Variants in SLC4A4 observed in about 807,000 individuals in gnomAD.
The protein encoded by SLC4A4 is solute carrier family 4 member 4, also known as electrogenic sodium bicarbonate cotransporter 1.
A neutral mutation model predicts 111.5 loss-of-function variants in SLC4A4; 27 were observed. The ratio of observed to expected loss-of-function variants is 0.24; its 90% CI spans 0.18 to 0.33. The LOEUF is 0.33. Among genes scored for constraint, SLC4A4 ranks in the 10% least tolerant of loss-of-function variants. SLC4A4 has a pLI of 1.00. For synonymous variants in SLC4A4, 443 were observed against 463.4 expected (o/e 0.96, Z 0.57); for missense variants, 909 against 1,315.5 (o/e 0.69, Z 4.78).
At chr4:71,165,965 G>T (rs1744734960) in intron 2 of SLC4A4, among the ~76,000 whole-genome samples, 1 of 152,044 alleles carries the variant, frequency 6.6e-6, no homozygotes, top group South Asian at 2.1e-4. Flanking sequence ...ACCAATATTG[G>T]TATTATCCAC....
intron 2 of SLC4A4, among the ~76,000 whole-genome samples, chr4:71,145,213 T>C (rs915321809): frequency 2.0e-5 from 3 of 152,168 alleles, no homozygotes; most frequent in African/African-American, 4.8e-5. Context: ...AATCATGTGG[T>C]TTTTGTCTTT....
At chr4:71,177,478 A>C (rs1215675102) in intron 2 of SLC4A4, among the ~76,000 whole-genome samples, 1 of 152,182 alleles carries the variant, frequency 6.6e-6, no homozygotes, top group East Asian at 1.9e-4. Flanking sequence ...AAAGGGATGG[A>C]GGAAGATCTA....
chr4:71,211,256 C>A (rs1718115529), intron 1 of SLC4A4, among the ~76,000 whole-genome samples: 1 of 152,134 alleles, frequency 6.6e-6, no homozygotes, highest in African/African-American at 2.4e-5. Flanking sequence ...AAAGATTTAT[C>A]TTTTATTTGC....
At chr4:71,143,519 A>G (rs538490938) in intron 2 of SLC4A4, among the ~76,000 whole-genome samples, 83 of 152,270 alleles carry the variant, frequency 5.5e-4, no homozygotes, top group African/African-American at 1.9e-3. Flanking sequence ...CTGAGGAATC[A>G]CCACACCGAC....
rs548755556 is a variant in SLC4A4 at position 71,318,042 on chromosome 4, C to A, written c.254-21328C>A. Among the ~76,000 whole-genome samples the A allele has an allele frequency of 2.4e-4, 37 of 151,888 alleles. No individual in the cohort carries two copies. In the South Asian group the frequency reaches 7.5e-3, roughly 31 times the overall value. ...GCTGTGAAGAATCTCTTCAATAAAC[C>A]TCATAACTGTCTTTTGAAGAGGTCT... On this transcript the variant is annotated intron_variant, in intron 3 of 25. Transcript: ENST00000264485.
intron 11 of SLC4A4, among the ~76,000 whole-genome samples, chr4:71,452,313 T>A (rs1725846400): frequency 6.6e-6 from 1 of 152,188 alleles, no homozygotes; most frequent in South Asian, 2.1e-4. Flanking sequence ...GTAAATTATT[T>A]CCATTAGGAA....
chr4:71,434,447 A>T (rs555994752), intron 7 of SLC4A4: 1 of 198,638 alleles, frequency 5.0e-6, no homozygotes, highest in Admixed American at 4.6e-5. Flanking sequence ...GTCTTTCAGC[A>T]CTCTCTTTCA....
At chr4:71,316,546 A>G (rs1726699105) in intron 3 of SLC4A4, among the ~76,000 whole-genome samples, 2 of 152,206 alleles carry the variant, frequency 1.3e-5, no homozygotes, top group East Asian at 3.9e-4. Context: ...TTTATTTATT[A>G]TGATTTTTAA....
At chr4:71,173,894 T>C (rs1745012354) in intron 2 of SLC4A4, among the ~76,000 whole-genome samples, 1 of 152,170 alleles carries the variant, frequency 6.6e-6, no homozygotes, top group African/African-American at 2.4e-5. Flanking sequence ...GTGATACCAC[T>C]ACTAACAAGG....
chr4:71,162,769 A>G (rs1266048578), intron 2 of SLC4A4, among the ~76,000 whole-genome samples: 5 of 152,230 alleles, frequency 3.3e-5, no homozygotes, highest in Admixed American at 1.3e-4. Context: ...CTTTACGGCT[A>G]CCATGTGTGG....
At chr4:71,458,201 A>G (rs1316123828) in intron 12 of SLC4A4, among the ~76,000 whole-genome samples, 1 of 152,084 alleles carries the variant, frequency 6.6e-6, no homozygotes, top group East Asian at 1.9e-4. Context: ...TATTACTACT[A>G]TTGGTTGTTC....
intron 8 of SLC4A4, among the ~76,000 whole-genome samples, chr4:71,446,104 G>A (rs1036780509): frequency 6.6e-6 from 1 of 152,206 alleles, no homozygotes; most frequent in Non-Finnish European, 1.5e-5. Context: ...TATAAAACCT[G>A]AGTATTCAAA....
chr4:71,557,231 A>G (rs879684393), intron 21 of SLC4A4, among the ~76,000 whole-genome samples: 1 of 152,012 alleles, frequency 6.6e-6, no homozygotes, highest in Non-Finnish European at 1.5e-5. Context: ...CCCATTTTTA[A>G]GTTGGATACT....
At position 71,569,798 on chromosome 4, in the gene SLC4A4, T is replaced by TA. The variant is rs1737795057; in HGVS notation, c.*2048dup. ...AATTTTATTATCCTGAGTTAGCTGT[T>TA]ACTTTTACAGTACCTGATACTCCTA... On this transcript the variant is annotated 3_prime_UTR_variant, in exon 26 of 26. Transcript: ENST00000264485. The TA allele has an allele frequency of 6.6e-6, 1 of 151,756 alleles. No homozygotes were observed. 9.4% of individuals were successfully genotyped at this position (151,756 alleles called of 1,614,324 possible). A position where few individuals can be genotyped will look rare whatever the true frequency, so the allele number is the denominator to read the frequency against.
intron 6 of SLC4A4, among the ~76,000 whole-genome samples, chr4:71,359,878 G>A (rs1352194092): frequency 1.3e-5 from 2 of 152,080 alleles, no homozygotes; most frequent in African/African-American, 4.8e-5. Flanking sequence ...CAGTGACACT[G>A]CCAGCTTTAG....
At chr4:71,123,587 A>G (rs1259595453) in intron 2 of SLC4A4, among the ~76,000 whole-genome samples, 1 of 152,236 alleles carries the variant, frequency 6.6e-6, no homozygotes, top group Non-Finnish European at 1.5e-5. Context: ...CCTGAAGTAT[A>G]TACTAATTTG....
At chr4:71,087,006 T>A (rs1290641554) in intron 1 of SLC4A4, among the ~76,000 whole-genome samples, 11 of 152,070 alleles carry the variant, frequency 7.2e-5, no homozygotes, top group Admixed American at 7.2e-4. Context: ...GTACCTCTGG[T>A]AGAATTCGGC....
At position 71,500,059 on chromosome 4, in the gene SLC4A4, G is replaced by T. The variant is rs561271089; in HGVS notation, c.2166+2367G>T. ...ACATTCCCACCAACGGTGTACAAGG[G>T]TTACCTTTTCTCCACATCATCACCA... On this transcript the variant is annotated intron_variant, in intron 16 of 25. Coordinates refer to ENST00000264485, the MANE Select transcript of SLC4A4 (RefSeq NM_001098484.3). Among the ~76,000 whole-genome samples the T allele has an allele frequency of 1.8e-3, 279 of 152,122 alleles. 1 individual carries two copies. The highest frequency in any genetic ancestry group is 3.4e-3 in the Middle Eastern group (1 of 294).
At chr4:71,523,337 C>A (rs1409300033) in intron 16 of SLC4A4, among the ~76,000 whole-genome samples, 2 of 151,884 alleles carry the variant, frequency 1.3e-5, no homozygotes, top group Non-Finnish European at 2.9e-5. Context: ...GTTTTTAATC[C>A]AAAATTGTTT....
Sources: gnomAD v4.1 joint callset for allele counts (sites outside exome capture counted in the v4.1 genomes callset) on GRCh38, gnomAD v4.1.1 for gene constraint, MANE v1.5 for transcripts, NCBI Gene and HGNC (gene_info 2026-07-23, HGNC 2026-07-21) for gene names.